NOX4: variants seen among roughly 807,000 people sequenced by gnomAD.
NOX4 encodes the protein NADPH oxidase 4.
In NOX4, 69 loss-of-function variants were observed where a neutral mutation model predicts 87.6. The ratio of observed to expected loss-of-function variants is 0.79; its 90% CI spans 0.65 to 0.96. NOX4 has a LOEUF of 0.96. NOX4 is among the 40% of genes least tolerant of loss of function. NOX4 has a pLI of 0.00. For synonymous variants in NOX4, 275 were observed against 238.2 expected (o/e 1.15, Z -1.42); for missense variants, 680 against 681.5 (o/e 1.00, Z 0.02).
chr11:89,560,579 T>C, the NOX4 span, among the ~76,000 whole-genome samples: 2 of 151,954 alleles, frequency 1.3e-5, no homozygotes, highest in Non-Finnish European at 1.5e-5. Context: ...GAATTGTGAG[T>C]TGGTTGACTG....
upstream of NOX4, among the ~76,000 whole-genome samples, chr11:89,496,134 A>C (rs1946946835): frequency 6.6e-6 from 1 of 152,200 alleles, no homozygotes; most frequent in Non-Finnish European, 1.5e-5. Flanking sequence ...TCGGGGGACA[A>C]GTTCCAGACA....
the NOX4 span, chr11:89,533,993 C>G: frequency 6.6e-6 from 1 of 152,206 alleles, no homozygotes; most frequent in African/African-American, 2.4e-5. Context: ...GTTGAAAGGT[C>G]AAATAGAACA....
the NOX4 span, among the ~76,000 whole-genome samples, chr11:89,569,107 C>T: frequency 6.6e-6 from 1 of 151,454 alleles, no homozygotes; most frequent in African/African-American, 2.4e-5. Context: ...AACTATAAAA[C>T]CCTAGAATAA....
intron 1 of NOX4, 30 bp from the exon 2 acceptor site, chr11:89,490,583 A>G (rs146149402): frequency 1.3e-6 from 2 of 1,524,394 alleles, no homozygotes; most frequent in Non-Finnish European, 1.8e-6. Flanking sequence ...GAGACAGAAA[A>G]CAAAAATTGA....
Position 89,400,351 on chromosome 11 carries a change from C to T in NOX4, c.875G>A (p.Cys292Tyr). 6.3e-7 allele frequency: 1 copy of T among 1,591,768 alleles called. No individual in the cohort carries two copies. Residue 292 changes from cysteine (C) to tyrosine (Y), a missense_variant, in exon 10 of 18, where the codon TGC becomes TAC. Physicochemically the swap from Cys to Tyr is radical, Grantham distance 194 (BLOSUM62 -2). Transcript: ENST00000263317. ...GTAAAGTCTTTCGGCACAGTACAGG[C>T]ACAAAGGTCCAGAAATCCAAAGCCA... ...QTWLWISGPL[C>Y]LYCAERLYRY... is the part of the protein sequence containing the mutation.
At chr11:89,491,593 G>C (rs866067913), upstream of NOX4, 5 of 298,010 alleles carry the variant, frequency 1.7e-5, no homozygotes, top group Non-Finnish European at 2.5e-5. Flanking sequence ...GGCTGCTGCT[G>C]TTCAGGATGT....
At chr11:89,467,653 G>C (rs1945764822) in intron 2 of NOX4, among the ~76,000 whole-genome samples, 1 of 152,090 alleles carries the variant, frequency 6.6e-6, no homozygotes, top group Admixed American at 6.5e-5. Flanking sequence ...AGTCATGAGG[G>C]CTTTACCTTC....
intron 16 of NOX4, among the ~76,000 whole-genome samples, chr11:89,336,928 G>A (rs1945737148): frequency 1.3e-5 from 2 of 151,954 alleles, no homozygotes; most frequent in South Asian, 4.1e-4. Flanking sequence ...GCTCTTCAAT[G>A]TTGTCTTCAA....
intron 17 of NOX4, among the ~76,000 whole-genome samples, chr11:89,334,939 G>GAAA (rs1386493045): frequency 6.6e-6 from 1 of 151,616 alleles, no homozygotes; most frequent in Non-Finnish European, 1.5e-5. Context: ...GAAAAAGAAT[G>GAAA]ATGTAAAACA....
intron 13 of NOX4, among the ~76,000 whole-genome samples, chr11:89,350,676 G>A (rs317198): frequency 0.24 from 36,494 of 152,060 alleles, 6,994 homozygotes; most frequent in African/African-American, 0.53. Context: ...GATACATACA[G>A]CAGTGGTTGT....
intron 17 of NOX4, among the ~76,000 whole-genome samples, chr11:89,327,753 A>C (rs1332964343): frequency 6.6e-6 from 1 of 152,164 alleles, no homozygotes; most frequent in African/African-American, 2.4e-5. Context: ...ACCAAAAATT[A>C]ATAGTAAATA....
chr11:89,470,677 C>T (rs1320085670), intron 2 of NOX4, among the ~76,000 whole-genome samples: 3 of 152,118 alleles, frequency 2.0e-5, no homozygotes, highest in Admixed American at 6.6e-5. Context: ...AGTTTCAAAG[C>T]CACTATAGCT....
intron 2 of NOX4, among the ~76,000 whole-genome samples, chr11:89,474,663 A>T (rs1163376715): frequency 6.6e-6 from 1 of 152,034 alleles, no homozygotes; most frequent in Non-Finnish European, 1.5e-5. Context: ...CTACATGTAC[A>T]GTCATTGATA....
At chr11:89,510,811 G>C in the NOX4 span, among the ~76,000 whole-genome samples, 1 of 151,944 alleles carries the variant, frequency 6.6e-6, no homozygotes, top group East Asian at 1.9e-4. Context: ...TCCAGGAATT[G>C]CTTAATTTAT....
chr11:89,500,668 A>C (rs1269514060), upstream of NOX4, among the ~76,000 whole-genome samples: 1 of 152,190 alleles, frequency 6.6e-6, no homozygotes, highest in Non-Finnish European at 1.5e-5. Context: ...CAGGCTGGAA[A>C]TATGCTTTAA....
chr11:89,506,223 G>GAAAGAAAGAAAGAAAGAAAGAAAGAA, the NOX4 span, among the ~76,000 whole-genome samples: 2 of 144,250 alleles, frequency 1.4e-5, no homozygotes, highest in South Asian at 2.2e-4. Flanking sequence ...GAAAGAAAGA[G>GAAAGAAAGAAAGAAAGAAAGAAAGAA]AGAAAGAAAG....
At chr11:89,561,015 T>TATATACAC in the NOX4 span, among the ~76,000 whole-genome samples, 7 of 80,510 alleles carry the variant, frequency 8.7e-5, 1 homozygote, top group African/African-American at 3.0e-4. Context: ...TATATATATA[T>TATATACAC]ATATACATAC....
At chr11:89,537,807 A>G in the NOX4 span, among the ~76,000 whole-genome samples, 1 of 152,138 alleles carries the variant, frequency 6.6e-6, no homozygotes, top group African/African-American at 2.4e-5. Flanking sequence ...CCAGATTTTT[A>G]ACACTAATTC....
At chr11:89,387,561 T>C (rs1369057430) in intron 11 of NOX4, among the ~76,000 whole-genome samples, 1 of 152,134 alleles carries the variant, frequency 6.6e-6, no homozygotes, top group Admixed American at 6.6e-5. Flanking sequence ...CATGTGACAG[T>C]TTGTTCCTGA....
Sources: allele counts gnomAD v4.1 joint callset (sites outside exome capture counted in the v4.1 genomes callset), GRCh38; gene constraint gnomAD v4.1.1; transcripts MANE v1.5; gene names NCBI Gene and HGNC (gene_info 2026-07-23, HGNC 2026-07-21).